Variants in SAMD5 observed in about 807,000 individuals in gnomAD.
The protein encoded by SAMD5 is sterile alpha motif domain-containing protein 5.
In SAMD5, 13 loss-of-function variants were observed where a neutral mutation model predicts 11.3. The ratio of observed to expected loss-of-function variants is 1.15; its 90% confidence interval spans 0.75 to 1.83. SAMD5 has a LOEUF of 1.83. SAMD5 is among the 40% of genes most tolerant of loss of function. The pLI is 0.00. For missense variants in SAMD5, 255 were observed against 239.1 expected (o/e 1.07, Z -0.44); for synonymous variants, 129 against 111.3 (o/e 1.16, Z -1.00).
In SAMD5 at chr6:147,567,507, A is replaced by G. The variant is rs1367665892; in HGVS notation, c.*3051A>G. On this transcript the variant is annotated 3_prime_UTR_variant, in exon 2 of 2. Coordinates refer to ENST00000367474, the MANE Select transcript of SAMD5 (RefSeq NM_001030060.3). Reference sequence around the variant, plus strand: ...ATCTTGAACAGTTATGAAACTCATTAAAGCTTCTTTTCCCTTGTCTGTAAA... The same window carrying G: ...ATCTTGAACAGTTATGAAACTCATTGAAGCTTCTTTTCCCTTGTCTGTAAA... 5.3e-6 allele frequency: 5 copies of G among 947,048 alleles called. No homozygotes were observed. Among genetic ancestry groups the G allele is most frequent in the Non-Finnish European group, 6.3e-6 (5 of 794,852 alleles). The allele number at this position is 947,048 out of a possible 1,614,324, so 58.7% of individuals were successfully genotyped here.
the SAMD5 span, among the ~76,000 whole-genome samples, chr6:147,785,382 C>G: frequency 6.6e-6 from 1 of 152,166 alleles, no homozygotes; most frequent in South Asian, 2.1e-4. Context: ...AATCAGATCC[C>G]CTTGGCTTAG....
chr6:147,767,191 G>GTTTAT, the SAMD5 span, among the ~76,000 whole-genome samples: 2 of 152,178 alleles, frequency 1.3e-5, no homozygotes, highest in Non-Finnish European at 2.9e-5. Flanking sequence ...TCTTAGGTTG[G>GTTTAT]GTTCCCTGTA....
chr6:147,563,162 T>A (rs749804675), intron 1 of SAMD5, among the ~76,000 whole-genome samples: 65 of 133,136 alleles, frequency 4.9e-4, no homozygotes, highest in Non-Finnish European at 9.3e-4. Flanking sequence ...TATTTAGATG[T>A]GATTGCCTGA....
At chr6:147,511,049 ATG>A (rs1243167109) in intron 1 of SAMD5, among the ~76,000 whole-genome samples, 4 of 152,204 alleles carry the variant, frequency 2.6e-5, no homozygotes, top group South Asian at 2.1e-4. Context: ...GTCTGAGAGA[ATG>A]TGAGTACCTG....
At chr6:147,860,144 C>T in the SAMD5 span, among the ~76,000 whole-genome samples, 3 of 152,094 alleles carry the variant, frequency 2.0e-5, no homozygotes, top group Non-Finnish European at 4.4e-5. Context: ...GGGAGGATCC[C>T]TTCTTGCTTT....
At chr6:147,917,945 G>T in the SAMD5 span, among the ~76,000 whole-genome samples, 1 of 152,158 alleles carries the variant, frequency 6.6e-6, no homozygotes, top group Non-Finnish European at 1.5e-5. Flanking sequence ...GTACCATGCT[G>T]TTTTGGTTAC....
At position 147,562,809 on chromosome 6, in the gene SAMD5, G is replaced by A. The variant is rs1057410406; in HGVS notation, c.460-1585G>A. ...TGCACTCCAGCCTGGGAGACAGAGC[G>A]AGACTCCGTCTCAAAAAAAAATAAA... On this transcript the variant is annotated intron_variant, in intron 1 of 1. Coordinates refer to ENST00000367474, the MANE Select transcript of SAMD5 (RefSeq NM_001030060.3). Among the ~76,000 whole-genome samples, 37 of 151,374 alleles carry A rather than the reference G, an allele frequency of 2.4e-4. No homozygotes were observed. In the East Asian group the frequency reaches 6.6e-3, roughly 27 times the overall value.
At position 147,564,701 on chromosome 6, in the gene SAMD5, A is replaced by C; in HGVS notation, c.*245A>C. ...AAGTATTGAGTTCATTTTTTTAAGA[A>C]GATATCATGATGAGATACAGTCTTA... On this transcript the variant is annotated 3_prime_UTR_variant, in exon 2 of 2. Coordinates refer to ENST00000367474, the MANE Select transcript of SAMD5 (RefSeq NM_001030060.3). 8.2e-7 allele frequency: 1 copy of C among 1,215,810 alleles called. No individual in the cohort carries two copies. Among genetic ancestry groups the C allele is most frequent in the Non-Finnish European group, 1.0e-6 (1 of 971,650 alleles). 75.3% of individuals were successfully genotyped at this position (1,215,810 alleles called of 1,614,324 possible).
At chr6:147,896,124 G>A in the SAMD5 span, among the ~76,000 whole-genome samples, 3 of 152,128 alleles carry the variant, frequency 2.0e-5, no homozygotes, top group African/African-American at 4.8e-5. Flanking sequence ...GAGGACTTTG[G>A]GGAACTTTGC....
chr6:147,565,395 G>A lies in SAMD5; in HGVS notation c.*939G>A. On this transcript the variant is annotated 3_prime_UTR_variant, in exon 2 of 2. Transcript: ENST00000367474. ...AGAAAGTAGATTGAGGTGGGGGGAGGAAATTAACAGGAATCTAGAGTTTTT... is the reference window on the plus strand; with the variant it reads ...AGAAAGTAGATTGAGGTGGGGGGAGAAAATTAACAGGAATCTAGAGTTTTT... 3 of 985,518 alleles carry A rather than the reference G, an allele frequency of 3.0e-6. No individual in the cohort carries two copies. Among genetic ancestry groups the A allele is most frequent in the Non-Finnish European group, 3.6e-6 (3 of 829,754 alleles). The allele number at this position is 985,518 out of a possible 1,614,324, so 61.0% of individuals were successfully genotyped here. A position where few individuals can be genotyped will look rare whatever the true frequency, so the allele number is the denominator to read the frequency against.
chr6:147,688,552 C>G (rs1791051042), intron 1 of SAMD5, among the ~76,000 whole-genome samples: 1 of 152,090 alleles, frequency 6.6e-6, no homozygotes, highest in African/African-American at 2.4e-5. Flanking sequence ...AGCATAGAGC[C>G]TTTATTGGGA....
At chr6:147,773,096 A>C in the SAMD5 span, among the ~76,000 whole-genome samples, 557 of 152,326 alleles carry the variant, frequency 3.7e-3, 1 homozygote, top group African/African-American at 0.013. Context: ...GCCATTTCTA[A>C]CATTACCCTG....
the SAMD5 span, among the ~76,000 whole-genome samples, chr6:147,877,171 GT>G: frequency 6.6e-6 from 1 of 152,050 alleles, no homozygotes; most frequent in African/African-American, 2.4e-5. Flanking sequence ...TGAAATCCTA[GT>G]GCACAATACC....
intron 1 of SAMD5, among the ~76,000 whole-genome samples, chr6:147,620,993 C>T (rs139050032): frequency 0.025 from 1,066 of 42,138 alleles, 2 homozygotes; most frequent in Non-Finnish European, 0.04. Flanking sequence ...TGTGTGTGCG[C>T]GCGCGCACAT....
intron 1 of SAMD5, among the ~76,000 whole-genome samples, chr6:147,718,689 C>CA (rs1562359181): frequency 4.5e-5 from 4 of 89,166 alleles, no homozygotes; most frequent in African/African-American, 1.3e-4. Flanking sequence ...GGCTCTTTCT[C>CA]GTTTTTTTTC....
chr6:147,735,210 A>G (rs546081963), intron 1 of SAMD5, among the ~76,000 whole-genome samples: 18 of 152,362 alleles, frequency 1.2e-4, no homozygotes, highest in African/African-American at 4.1e-4. Flanking sequence ...TAATTAATGG[A>G]TGATGGCCTG....
At chr6:147,852,561 T>C in the SAMD5 span, among the ~76,000 whole-genome samples, 11 of 152,158 alleles carry the variant, frequency 7.2e-5, no homozygotes, top group African/African-American at 2.2e-4. Flanking sequence ...TAAGACTGAA[T>C]TGATTAAATG....
chr6:147,610,194 T>C lies in SAMD5; in HGVS notation c.162+100807T>C, dbSNP rs1583105255. On this transcript the variant is annotated intron_variant, in intron 1 of 1. Transcript: ENST00000566741. ...ATTTACATTTATATGTGAAAAGTAT[T>C]TGGGCTGGCTGATAAACACACAGCA... is the stretch of plus-strand genomic sequence containing the variant. Among the ~76,000 whole-genome samples, 9 of 152,304 alleles carry C rather than the reference T, an allele frequency of 5.9e-5. No individual in the cohort carries two copies. The South Asian group carries it at 1.9e-3, about 32-fold the overall frequency.
At chr6:147,909,639 T>TC in the SAMD5 span, among the ~76,000 whole-genome samples, 5 of 138,928 alleles carry the variant, frequency 3.6e-5, no homozygotes, top group African/African-American at 1.2e-4. Flanking sequence ...TTTCTCTTTC[T>TC]TGTCTTTTGT....
Sources: gnomAD v4.1 joint callset for allele counts (sites outside exome capture counted in the v4.1 genomes callset) on GRCh38, gnomAD v4.1.1 for gene constraint, MANE v1.5 for transcripts, NCBI Gene and HGNC (gene_info 2026-07-23, HGNC 2026-07-21) for gene names.